The following MAP3K15 variants were observed in gnomAD, a reference collection of about 807,000 sequenced individuals.
MAP3K15 encodes mitogen-activated protein kinase kinase kinase 15.
Under a neutral mutation model 99.5 loss-of-function variants are expected in MAP3K15, and 124 were observed. That is an observed-to-expected ratio of 1.25 (90% confidence interval 1.08 to 1.45). MAP3K15 has a LOEUF of 1.45. Among genes scored for constraint, MAP3K15 ranks in the 40% most tolerant of loss-of-function variants. MAP3K15 has a pLI of 0.00. For synonymous variants in MAP3K15, 494 were observed against 439.6 expected (o/e 1.12, Z -1.55); for missense variants, 1,242 against 1,079.7 (o/e 1.15, Z -2.11).
At chrX:19,408,669 A>G (rs1205774759) in intron 12 of MAP3K15, 1 of 111,347 alleles carries the variant, frequency 9.0e-6, no homozygotes, top group Non-Finnish European at 1.9e-5. Context: ...AAATAAAATA[A>G]TTTAAAAAAT....
At position 19,398,317 on chromosome X, in the gene MAP3K15, C is replaced by G. The variant is rs2063583240; in HGVS notation, c.1975G>C (p.Gly659Arg). Reference protein sequence around the residue: ...HDANGERVVLGKGTYGIVYAG... With the variant: ...HDANGERVVLRKGTYGIVYAG... ...TACACAATCCCATACGTGCCTTTCC[C>G]CAAGACAACTCTCTCACCATTTGCA... Residue 659 changes from glycine (G) to arginine (R), a missense_variant, in exon 15 of 29, where the codon GGG becomes CGG. By Grantham distance (125) the Gly-to-Arg change is moderately radical. Coordinates refer to ENST00000338883, the MANE Select transcript of MAP3K15 (RefSeq NM_001001671.4). 2.5e-6 allele frequency: 3 copies of G among 1,211,290 alleles called. No homozygotes were observed. The African/African-American group carries it at 5.2e-5, about 21-fold the overall frequency.
rs189793571 is a variant in MAP3K15, at chrX:19,361,845, G to C, written c.3680-252C>G. On this transcript the variant is annotated intron_variant, in intron 26 of 28. Coordinates refer to ENST00000338883, the MANE Select transcript of MAP3K15 (RefSeq NM_001001671.4). Reference sequence around the variant, plus strand: ...ACATGTTAGGTCTACCACTTTAAATGCTTATCCCCACATCTTTCAAATGCC... The same window carrying C: ...ACATGTTAGGTCTACCACTTTAAATCCTTATCCCCACATCTTTCAAATGCC... 28 of 273,166 alleles carry C rather than the reference G, an allele frequency of 1.0e-4. No individual in the cohort carries two copies. In the East Asian group the frequency reaches 2.0e-3, roughly 19 times the overall value. 22.5% of individuals were successfully genotyped at this position (273,166 alleles called of 1,213,427 possible). A position where few individuals can be genotyped will look rare whatever the true frequency, so the allele number is the denominator to read the frequency against.
At chrX:19,506,333 G>C (rs929777674) in intron 1 of MAP3K15, among the ~76,000 whole-genome samples, 1 of 111,384 alleles carries the variant, frequency 9.0e-6, no homozygotes, top group African/African-American at 3.3e-5. Context: ...GCCTCCCAAA[G>C]AGCTGGGATT....
intron 18 of MAP3K15, among the ~76,000 whole-genome samples, chrX:19,387,174 C>T (rs1379732014): frequency 2.7e-5 from 3 of 111,082 alleles, no homozygotes; most frequent in African/African-American, 9.8e-5. Context: ...GACTCAGCTC[C>T]ATGTGTATGT....
intron 6 of MAP3K15, among the ~76,000 whole-genome samples, chrX:19,441,377 G>A (rs933317050): frequency 1.9e-4 from 21 of 109,610 alleles, no homozygotes; most frequent in Non-Finnish European, 3.2e-4. Flanking sequence ...TTTTGGTGGC[G>A]GGGGGAGGAT....
chrX:19,429,873 T>C, intron 7 of MAP3K15, among the ~76,000 whole-genome samples: 1 of 106,280 alleles, frequency 9.4e-6, no homozygotes, highest in South Asian at 4.6e-4. Context: ...AGAGCTCTTA[T>C]GATGGAAATG....
In MAP3K15 at chrX:19,374,667, T is replaced by A; in HGVS notation, c.2590-7A>T. 1 of 1,205,238 alleles carries A rather than the reference T, an allele frequency of 8.3e-7. No homozygotes were observed. The highest frequency in any genetic ancestry group is 1.1e-6 in the Non-Finnish European group (1 of 891,418). ...GGATCTTAAACATGCCCACCTGCAT[T>A]TAAGGGAGAGGTAACCGATGTGTCA... On this transcript the variant is annotated splice_region_variant and splice_polypyrimidine_tract_variant and intron_variant, in intron 19 of 28. Coordinates refer to ENST00000338883, the MANE Select transcript of MAP3K15 (RefSeq NM_001001671.4).
chrX:19,411,547 G>T (rs1192918540), intron 11 of MAP3K15, among the ~76,000 whole-genome samples: 1 of 112,217 alleles, frequency 8.9e-6, no homozygotes, highest in Non-Finnish European at 1.9e-5. Context: ...ATCATACCAT[G>T]GGGGGCGGTG....
At chrX:19,492,221 C>A (rs2064372942) in intron 1 of MAP3K15, among the ~76,000 whole-genome samples, 1 of 110,291 alleles carries the variant, frequency 9.1e-6, no homozygotes, top group Admixed American at 9.7e-5. Flanking sequence ...CAACAACGAT[C>A]AACTCAAGGC....
intron 6 of MAP3K15, among the ~76,000 whole-genome samples, chrX:19,436,240 C>T (rs2063921164): frequency 9.0e-6 from 1 of 110,890 alleles, no homozygotes; most frequent in South Asian, 3.8e-4. Context: ...GACATCAGTG[C>T]TTCTCATGCT....
chrX:19,469,506 T>C (rs1291119578), intron 3 of MAP3K15, among the ~76,000 whole-genome samples: 2 of 111,081 alleles, frequency 1.8e-5, no homozygotes, highest in Non-Finnish European at 1.9e-5. Flanking sequence ...ACTTCATGTC[T>C]AAAACACCAA....
In MAP3K15 at chrX:19,461,992, AACACAC is replaced by A. The variant is rs66666219; in HGVS notation, c.720-1845_720-1840del. 1.7e-3 allele frequency among the ~76,000 whole-genome samples: 168 copies of A among 100,615 alleles called. 1 individual carries two copies. The highest frequency in any genetic ancestry group is 4.7e-3 in the African/African-American group (125 of 26,603). 87.4% of individuals were successfully genotyped at this position (100,615 alleles called of 115,157 possible). ...GGCGACAGAGTGAGACTTGGTCTAA[AACACAC>A]ACACACACACACACACACACACACA... On this transcript the variant is annotated intron_variant, in intron 4 of 28. Coordinates refer to ENST00000338883, the MANE Select transcript of MAP3K15 (RefSeq NM_001001671.4).
intron 6 of MAP3K15, among the ~76,000 whole-genome samples, chrX:19,453,577 T>C (rs959229047): frequency 4.5e-5 from 5 of 111,087 alleles, no homozygotes; most frequent in African/African-American, 1.6e-4. Context: ...AGATCTCTTA[T>C]TGACCAAGTG....
chrX:19,413,683 G>C lies in MAP3K15; in HGVS notation c.1591-219C>G, dbSNP rs184958648. Among the ~76,000 whole-genome samples, 72 of 60,322 alleles carry C rather than the reference G, an allele frequency of 1.2e-3. No individual in the cohort carries two copies. In the East Asian group the frequency reaches 0.035, roughly 29 times the overall value. The allele number at this position is 60,322 out of a possible 115,157, so 52.4% of individuals were successfully genotyped here. A position where few individuals can be genotyped will look rare whatever the true frequency, so the allele number is the denominator to read the frequency against. On this transcript the variant is annotated intron_variant, in intron 10 of 28. Transcript: ENST00000338883. ...ATATTGAGATGCCATCTCTTGGGGG[G>C]GGGGGTGGGGAAGATGAAAGGAGAT...
chrX:19,395,803 C>T (rs1031517140), intron 15 of MAP3K15, among the ~76,000 whole-genome samples: 4 of 112,332 alleles, frequency 3.6e-5, no homozygotes, highest in African/African-American at 1.3e-4. Context: ...CATACAAGGA[C>T]TTTCAAAGAT....
intron 4 of MAP3K15, among the ~76,000 whole-genome samples, chrX:19,461,136 T>C (rs2064130618): frequency 8.9e-6 from 1 of 112,187 alleles, no homozygotes; most frequent in African/African-American, 3.2e-5. Context: ...CCCGCCACCA[T>C]GCCCAGTTAA....
chrX:19,366,375 T>C (rs945633723), intron 25 of MAP3K15, among the ~76,000 whole-genome samples: 7 of 111,952 alleles, frequency 6.3e-5, no homozygotes, highest in African/African-American at 2.3e-4. Context: ...CCTTTGGCTC[T>C]GCCCAACTGC....
Position 19,431,473 on chromosome X carries a change from G to A in MAP3K15, c.1131C>T (p.Cys377=). The A allele has an allele frequency of 8.3e-7, 1 of 1,200,225 alleles. No homozygotes were observed. The highest frequency in any genetic ancestry group is 1.1e-6 in the Non-Finnish European group (1 of 895,069). Residue 377 remains cysteine, a synonymous_variant, in exon 7 of 29, where the codon TGC becomes TGT. Coordinates refer to ENST00000338883, the MANE Select transcript of MAP3K15 (RefSeq NM_001001671.4). ...CGCTGTCGCGGCTGGTGTCATCTTT[G>A]CAGTCTGAATCCAAGAAGATGTCCT... ...IYKDIFLDSD[C]KDDTSRDSAI...
intron 20 of MAP3K15, among the ~76,000 whole-genome samples, chrX:19,374,033 G>A (rs977118591): frequency 9.0e-6 from 1 of 111,203 alleles, no homozygotes; most frequent in South Asian, 3.8e-4. Flanking sequence ...ACTGGACTTC[G>A]GTGGCCTGCA....
Sources: gnomAD v4.1 joint callset for allele counts (sites outside exome capture counted in the v4.1 genomes callset) on GRCh38, gnomAD v4.1.1 for gene constraint, MANE v1.5 for transcripts, NCBI Gene and HGNC (gene_info 2026-07-23, HGNC 2026-07-21) for gene names.